The following NEK10 variants were observed in gnomAD, a reference collection of about 807,000 sequenced individuals.
NEK10 encodes serine/threonine-protein kinase Nek10.
A neutral mutation model predicts 159.8 loss-of-function variants in NEK10; 122 were observed. That is an observed-to-expected ratio of 0.76 (90% CI 0.66 to 0.89). NEK10 has a LOEUF of 0.89. Ranked by LOEUF, NEK10 falls within the 40% of genes least tolerant of loss-of-function variation. NEK10 has a pLI of 0.00. For missense variants in NEK10, 1,342 were observed against 1,323.1 expected, an observed-to-expected ratio of 1.01 and a Z score of -0.22; for synonymous variants, 466 against 457.1, an observed-to-expected ratio of 1.02 and a Z score of -0.25.
Position 27,202,467 on chromosome 3 carries a change from G to A in NEK10, c.2181C>T (p.Pro727=), listed in dbSNP as rs754139409. The A allele has an allele frequency of 1.2e-6, 2 of 1,613,688 alleles. No homozygotes were observed. The highest frequency in any genetic ancestry group is 4.5e-5 in the East Asian group (2 of 44,840). Residue 727 remains proline (P), a synonymous_variant, in exon 24 of 36, where the codon CCC becomes CCT. Coordinates refer to ENST00000691995, the MANE Select transcript of NEK10 (RefSeq NM_001394966.1). ...CILYQMATLS[P]PFYSTNMLSL... is the part of the protein sequence containing the mutation. ...ACAGCATGTTAGTGCTGTAGAAGGG[G>A]GGACTCAAAGTCGCCATCTGATAAA...
chr3:27,166,371 CTATG>C (rs1004312962), intron 29 of NEK10, among the ~76,000 whole-genome samples: 3 of 151,964 alleles, frequency 2.0e-5, no homozygotes. Flanking sequence ...AGTGGTCTTA[CTATG>C]TGTTTTTTTG....
intron 1 of NEK10, among the ~76,000 whole-genome samples, chr3:27,367,156 T>C (rs947433693): frequency 1.3e-5 from 2 of 152,238 alleles, no homozygotes; most frequent in Admixed American, 6.5e-5. Context: ...TATAAAGCAC[T>C]ATACCTTTGG....
intron 6 of NEK10, among the ~76,000 whole-genome samples, chr3:27,316,799 AG>A (rs1156468549): frequency 6.6e-5 from 10 of 151,260 alleles, no homozygotes; most frequent in African/African-American, 2.2e-4. Flanking sequence ...AGAAAAAAAA[AG>A]AAAAGAGAGA....
At chr3:27,252,377 G>A (rs547748834) in intron 23 of NEK10, among the ~76,000 whole-genome samples, 2 of 152,328 alleles carry the variant, frequency 1.3e-5, no homozygotes, top group African/African-American at 4.8e-5. Flanking sequence ...GTATTCCAAG[G>A]AGGAGTATTT....
chr3:27,130,085 C>T (rs1040642087), intron 32 of NEK10, among the ~76,000 whole-genome samples: 1 of 152,038 alleles, frequency 6.6e-6, no homozygotes, highest in Non-Finnish European at 1.5e-5. Flanking sequence ...AGGAATGGAA[C>T]CACACTTCTG....
intron 5 of NEK10, among the ~76,000 whole-genome samples, chr3:27,335,842 C>T (rs1233724958): frequency 6.6e-6 from 1 of 151,992 alleles, no homozygotes; most frequent in East Asian, 1.9e-4. Flanking sequence ...CATACCAAAA[C>T]CTGTAGGACA....
At chr3:27,232,338 T>C (rs1953387040) in intron 23 of NEK10, among the ~76,000 whole-genome samples, 1 of 151,690 alleles carries the variant, frequency 6.6e-6, no homozygotes, top group African/African-American at 2.4e-5. Context: ...ATAAAATACT[T>C]AGGAATATAC....
At chr3:27,112,480 A>T (rs1281961506) in intron 35 of NEK10, among the ~76,000 whole-genome samples, 1 of 152,206 alleles carries the variant, frequency 6.6e-6, no homozygotes, top group Non-Finnish European at 1.5e-5. Context: ...TGCAATGACG[A>T]TGATGACAAT....
intron 1 of NEK10, chr3:27,367,633 T>C (rs2049192275): frequency 6.6e-6 from 1 of 152,232 alleles, no homozygotes; most frequent in Admixed American, 6.5e-5. Context: ...TAACAAGTAT[T>C]TGTTGAACAC....
At position 27,352,921 on chromosome 3, in the gene NEK10, T is replaced by A; in HGVS notation, c.-37-2A>T. ...TGCCCCAGAATTAACATCGCATTCCTTTAAAATTAAACCAGAGGGAAAATT... is the reference window on the plus strand; with the variant it reads ...TGCCCCAGAATTAACATCGCATTCCATTAAAATTAAACCAGAGGGAAAATT... On this transcript the variant is annotated splice_acceptor_variant, in intron 1 of 35. Transcript: ENST00000691995. LOFTEE classifies it low-confidence loss of function (5UTR_SPLICE). 1 of 1,484,464 alleles carries A rather than the reference T, an allele frequency of 6.7e-7. No homozygotes were observed. The highest frequency in any genetic ancestry group is 9.4e-7 in the Non-Finnish European group (1 of 1,066,490). 92.0% of individuals were successfully genotyped at this position (1,484,464 alleles called of 1,614,324 possible).
chr3:27,203,306 T>A (rs983238743), intron 23 of NEK10, among the ~76,000 whole-genome samples: 2 of 152,192 alleles, frequency 1.3e-5, no homozygotes, highest in African/African-American at 2.4e-5. Flanking sequence ...CCTTTCCCTT[T>A]GCTATTCAGC....
chr3:27,208,960 T>TAAG (rs1458724073), intron 23 of NEK10, among the ~76,000 whole-genome samples: 1 of 152,142 alleles, frequency 6.6e-6, no homozygotes, highest in Non-Finnish European at 1.5e-5. Context: ...CACAAACCTC[T>TAAG]TACAGAGAGA....
At chr3:27,349,321 C>T (rs995266063) in intron 3 of NEK10, among the ~76,000 whole-genome samples, 4 of 152,014 alleles carry the variant, frequency 2.6e-5, no homozygotes, top group Admixed American at 2.6e-4. Flanking sequence ...CCTAGAATGC[C>T]CTTTCTATCA....
chr3:27,201,687 T>C (rs1421563742), intron 24 of NEK10, 107 bp from the exon 25 acceptor site: 3 of 759,486 alleles, frequency 4.0e-6, no homozygotes, highest in African/African-American at 3.5e-5. Context: ...CAGGATAACT[T>C]CACACATAAA....
intron 8 of NEK10, chr3:27,311,395 A>C (rs1375581161): frequency 6.1e-6 from 1 of 162,828 alleles, no homozygotes; most frequent in Non-Finnish European, 1.3e-5. Flanking sequence ...AGGAACCTGC[A>C]CGTTTCCTCA....
chr3:27,229,940 C>G (rs367892265), intron 23 of NEK10, among the ~76,000 whole-genome samples: 5 of 151,928 alleles, frequency 3.3e-5, no homozygotes, highest in Non-Finnish European at 5.9e-5. Context: ...GTTTGGAAAA[C>G]TTATTTTAGG....
chr3:27,154,068 C>G (rs1945159504), intron 30 of NEK10, among the ~76,000 whole-genome samples: 1 of 152,040 alleles, frequency 6.6e-6, no homozygotes, highest in African/African-American at 2.4e-5. Flanking sequence ...CAAGATTAAT[C>G]AAGAAAAGAG....
At chr3:27,347,412 G>A (rs190269286) in intron 3 of NEK10, among the ~76,000 whole-genome samples, 15 of 133,210 alleles carry the variant, frequency 1.1e-4, no homozygotes, top group African/African-American at 4.2e-4. Flanking sequence ...TGAGGCAGGA[G>A]AATCACTTGA....
intron 3 of NEK10, among the ~76,000 whole-genome samples, chr3:27,351,427 C>A (rs1271821000): frequency 6.6e-6 from 1 of 152,060 alleles, no homozygotes; most frequent in Non-Finnish European, 1.5e-5. Context: ...TAGACTTCAC[C>A]AATTAGGAGG....
Sources: gnomAD v4.1 joint callset for allele counts (sites outside exome capture counted in the v4.1 genomes callset) on GRCh38, gnomAD v4.1.1 for gene constraint, MANE v1.5 for transcripts, NCBI Gene and HGNC (gene_info 2026-07-23, HGNC 2026-07-21) for gene names.